Variants in EYS observed in about 807,000 individuals in gnomAD.
EYS encodes EGF-like photoreceptor maintenance factor.
Under a neutral mutation model 282.1 loss-of-function variants are expected in EYS, and 250 were observed. The ratio of observed to expected loss-of-function variants is 0.89; its 90% CI spans 0.80 to 0.98. The LOEUF is 0.98. EYS is among the 50% of genes least tolerant of loss of function. EYS has a pLI of 0.00. For missense variants in EYS, 4,016 were observed against 3,709.0 expected, an observed-to-expected ratio of 1.08 and a Z score of -2.15; for synonymous variants, 1,355 against 1,282.9, an observed-to-expected ratio of 1.06 and a Z score of -1.20.
rs1388088741 is a variant in EYS at position 64,593,164 on chromosome 6, T to C, written c.3830A>G (p.Lys1277Arg). The C allele has an allele frequency of 6.5e-7, 1 of 1,548,290 alleles. No homozygotes were observed. Among genetic ancestry groups the C allele is most frequent in the East Asian group, 2.5e-5 (1 of 40,634 alleles). Reference sequence around the variant, plus strand: ...CATTATGGCTGGTATTCTAGTAGCCTTTATAGATGGAAAGCTGCTGACCAA... The same window carrying C: ...CATTATGGCTGGTATTCTAGTAGCCCTTATAGATGGAAAGCTGCTGACCAA... ...ETLVSSFPSI[K>R]ATRIPAIMDT... Residue 1277 changes from lysine to arginine, a missense_variant, in exon 25 of 43, where the codon AAG (lysine) becomes AGG (arginine). Lys to Arg is a conservative substitution (Grantham distance 26). Transcript: ENST00000503581.
chr6:63,927,591 T>C (rs1360746215), intron 35 of EYS, among the ~76,000 whole-genome samples: 1 of 152,232 alleles, frequency 6.6e-6, no homozygotes, highest in Non-Finnish European at 1.5e-5. Flanking sequence ...ACTTTTTAGA[T>C]ATCATTTCAG....
At chr6:63,727,520 C>T (rs185215312) in intron 41 of EYS, among the ~76,000 whole-genome samples, 20 of 149,704 alleles carry the variant, frequency 1.3e-4, no homozygotes, top group Admixed American at 1.1e-3. Flanking sequence ...ATCACCTGAT[C>T]GTGTTGCCAA....
chr6:64,983,664 C>G (rs754225420), intron 14 of EYS, among the ~76,000 whole-genome samples: 3 of 151,298 alleles, frequency 2.0e-5, no homozygotes, highest in African/African-American at 7.3e-5. Context: ...AATGGGGTTA[C>G]TATGAAGTGG....
intron 33 of EYS, among the ~76,000 whole-genome samples, chr6:64,026,519 G>C (rs552162036): frequency 6.6e-5 from 10 of 152,158 alleles, no homozygotes; most frequent in Admixed American, 5.2e-4. Context: ...GGCCACCTGA[G>C]GGAAGCACAA....
intron 12 of EYS, among the ~76,000 whole-genome samples, chr6:65,218,101 G>A (rs992683723): frequency 1.3e-5 from 2 of 152,052 alleles, no homozygotes; most frequent in Non-Finnish European, 2.9e-5. Context: ...GTGTGTGGTA[G>A]TTGAGTAAGA....
chr6:64,325,691 T>C (rs1770389290), intron 29 of EYS, among the ~76,000 whole-genome samples: 1 of 151,882 alleles, frequency 6.6e-6, no homozygotes, highest in Non-Finnish European at 1.5e-5. Context: ...AAGGGAGAAA[T>C]ATTCAGGGAA....
In EYS at chr6:64,476,423, G is replaced by GA. The variant is rs547624741; in HGVS notation, c.5645-37072dup. On this transcript the variant is annotated intron_variant, in intron 26 of 42. Transcript: ENST00000503581. ...TCCACTTCCAGATTTAGAGAGCATAGAAAAAGCACTTTCAGAATGATAAAA... is the reference window on the plus strand; with the variant it reads ...TCCACTTCCAGATTTAGAGAGCATAGAAAAAAGCACTTTCAGAATGATAAAA... 4.6e-5 allele frequency among the ~76,000 whole-genome samples: 7 copies of GA among 151,956 alleles called. No homozygotes were observed. The South Asian group carries it at 1.5e-3, about 31-fold the overall frequency.
intron 35 of EYS, among the ~76,000 whole-genome samples, chr6:63,960,026 T>TAA (rs78745411): frequency 3.6e-5 from 5 of 139,630 alleles, no homozygotes; most frequent in African/African-American, 1.1e-4. Context: ...AAAGTAAAAT[T>TAA]AAAAAAAAAA....
intron 12 of EYS, among the ~76,000 whole-genome samples, chr6:65,132,770 C>T (rs541570005): frequency 6.6e-6 from 1 of 151,996 alleles, no homozygotes; most frequent in East Asian, 1.9e-4. Flanking sequence ...GAAATTCAAA[C>T]TATCATTGTT....
At chr6:65,183,939 A>C (rs1402811836) in intron 12 of EYS, among the ~76,000 whole-genome samples, 1 of 151,916 alleles carries the variant, frequency 6.6e-6, no homozygotes, top group African/African-American at 2.4e-5. Context: ...TCTATACTGC[A>C]CTTCAAGAAA....
At chr6:64,052,236 T>C (rs1406616310) in intron 33 of EYS, among the ~76,000 whole-genome samples, 4 of 152,186 alleles carry the variant, frequency 2.6e-5, no homozygotes, top group Admixed American at 2.0e-4. Context: ...ACTCCTCTTA[T>C]TCCTGAGCCT....
At chr6:64,467,526 G>A (rs902919473) in intron 26 of EYS, among the ~76,000 whole-genome samples, 4 of 152,098 alleles carry the variant, frequency 2.6e-5, no homozygotes, top group Non-Finnish European at 5.9e-5. Flanking sequence ...AAGAATTAGG[G>A]CCTGGAGATT....
chr6:64,567,293 T>C (rs1765595367), intron 26 of EYS, among the ~76,000 whole-genome samples: 1 of 152,166 alleles, frequency 6.6e-6, no homozygotes, highest in Non-Finnish European at 1.5e-5. Context: ...GATTCAATAA[T>C]AAACATCTAT....
At chr6:64,476,883 G>C (rs9351272) in intron 26 of EYS, among the ~76,000 whole-genome samples, 39,279 of 151,912 alleles carry the variant, frequency 0.26, 5,576 homozygotes, top group East Asian at 0.36. Flanking sequence ...TCATCGACTT[G>C]ATGTTGTTTA....
At chr6:63,784,298 G>A (rs559295489) in intron 39 of EYS, among the ~76,000 whole-genome samples, 1 of 151,922 alleles carries the variant, frequency 6.6e-6, no homozygotes, top group Non-Finnish European at 1.5e-5. Flanking sequence ...CACCTGATTG[G>A]TTCTGTTTCT....
At chr6:64,395,245 C>T (rs1178798962) in intron 28 of EYS, among the ~76,000 whole-genome samples, 2 of 152,082 alleles carry the variant, frequency 1.3e-5, no homozygotes, top group Admixed American at 6.6e-5. Flanking sequence ...GGATCTAGAA[C>T]TGGAAATACC....
chr6:65,358,599 A>AGTGTGT (rs61588307), intron 8 of EYS, among the ~76,000 whole-genome samples: 8,684 of 140,766 alleles, frequency 0.062, 301 homozygotes, highest in South Asian at 0.12. Flanking sequence ...AGGTTTCTGA[A>AGTGTGT]GTGTGTGTGT....
At chr6:65,459,529 T>C (rs914748875) in intron 5 of EYS, among the ~76,000 whole-genome samples, 1 of 151,898 alleles carries the variant, frequency 6.6e-6, no homozygotes, top group African/African-American at 2.4e-5. Flanking sequence ...TAATGAAGAG[T>C]ATATGATATT....
intron 35 of EYS, among the ~76,000 whole-genome samples, chr6:63,931,762 C>A (rs533838837): frequency 8.5e-5 from 13 of 152,160 alleles, no homozygotes; most frequent in Non-Finnish European, 1.8e-4. Context: ...ACATTGATCA[C>A]TCCTTTGTGT....
Sources: allele counts gnomAD v4.1 joint callset (sites outside exome capture counted in the v4.1 genomes callset), GRCh38; gene constraint gnomAD v4.1.1; transcripts MANE v1.5; gene names NCBI Gene and HGNC (gene_info 2026-07-23, HGNC 2026-07-21).